PCDH15: variants seen among roughly 807,000 people sequenced by gnomAD.
The protein encoded by PCDH15 is protocadherin-15.
PCDH15 carries 129 observed loss-of-function variants against 178.5 expected under a neutral mutation model. The observed-to-expected ratio is 0.72, with a 90% CI of 0.63 to 0.84. The LOEUF is 0.84. Among genes scored for constraint, PCDH15 ranks in the 40% least tolerant of loss-of-function variants. PCDH15 has a pLI of 0.00. For synonymous variants in PCDH15, 800 were observed against 732.0 expected, an observed-to-expected ratio of 1.09 and a Z score of -1.50; for missense variants, 2,230 against 2,099.9, an observed-to-expected ratio of 1.06 and a Z score of -1.21.
intron 2 of PCDH15, among the ~76,000 whole-genome samples, chr10:55,384,327 C>T (rs932555894): frequency 4.6e-5 from 7 of 152,026 alleles, no homozygotes; most frequent in South Asian, 4.1e-4. Flanking sequence ...TTTGGTAAAT[C>T]AATGTTTATA....
At chr10:54,927,473 A>G (rs1231079203) in intron 2 of PCDH15, among the ~76,000 whole-genome samples, 2 of 152,106 alleles carry the variant, frequency 1.3e-5, no homozygotes, top group African/African-American at 4.8e-5. Flanking sequence ...TGCTGAGTTC[A>G]GGTCCTGAAT....
intron 2 of PCDH15, among the ~76,000 whole-genome samples, chr10:54,901,390 T>C (rs918900753): frequency 2.6e-5 from 4 of 152,232 alleles, no homozygotes; most frequent in Non-Finnish European, 4.4e-5. Context: ...CATCAACCAG[T>C]GTCAAGTCTC....
At chr10:55,504,257 G>C (rs1003246987) in intron 2 of PCDH15, among the ~76,000 whole-genome samples, 1 of 151,268 alleles carries the variant, frequency 6.6e-6, no homozygotes, top group Non-Finnish European at 1.5e-5. Context: ...TTGATAATAG[G>C]AAAAGCTATG....
In PCDH15 at chr10:54,706,779, A is replaced by G. The variant is rs544963055; in HGVS notation, c.-28-42489T>C. ...GCTGGGACTACCAGTGCATGCCACC[A>G]TGCCCGGCTATTTTTTGTATTTTTA... On this transcript the variant is annotated intron_variant, in intron 1 of 37. Coordinates refer to ENST00000644397, the MANE Select transcript of PCDH15 (RefSeq NM_001384140.1). Among the ~76,000 whole-genome samples the G allele has an allele frequency of 4.6e-5, 7 of 152,214 alleles. No individual in the cohort carries two copies. The East Asian group carries it at 1.4e-3, about 29-fold the overall frequency.
intron 2 of PCDH15, among the ~76,000 whole-genome samples, chr10:55,008,885 AAAAAACAAAAAC>A (rs772797559): frequency 2.7e-5 from 2 of 75,324 alleles, no homozygotes; most frequent in African/African-American, 3.8e-5. Flanking sequence ...GATCTTGTTT[AAAAAACAAAAAC>A]AAAAACAAAA....
chr10:54,060,933 G>T (rs1001150490), intron 18 of PCDH15, among the ~76,000 whole-genome samples: 3 of 152,004 alleles, frequency 2.0e-5, no homozygotes, highest in Non-Finnish European at 4.4e-5. Flanking sequence ...GCTTTTAAAG[G>T]TAAGTGGCTG....
intron 2 of PCDH15, among the ~76,000 whole-genome samples, chr10:54,939,300 C>T (rs1837995185): frequency 6.6e-6 from 1 of 150,832 alleles, no homozygotes. Context: ...TGAGACCATC[C>T]TGGCTACCAC....
intron 26 of PCDH15, among the ~76,000 whole-genome samples, chr10:53,882,491 A>G (rs1055536637): frequency 6.6e-6 from 1 of 152,070 alleles, no homozygotes; most frequent in African/African-American, 2.4e-5. Context: ...CCTCTCAAAT[A>G]GCTAGGATTA....
intron 2 of PCDH15, among the ~76,000 whole-genome samples, chr10:55,354,366 T>G (rs1845019580): frequency 1.3e-5 from 2 of 152,040 alleles, no homozygotes; most frequent in Non-Finnish European, 2.9e-5. Context: ...CCGAATTAAA[T>G]AGGGCACAAT....
chr10:55,179,495 A>G (rs2132132654), intron 1 of PCDH15, among the ~76,000 whole-genome samples: 1 of 151,880 alleles, frequency 6.6e-6, no homozygotes, highest in African/African-American at 2.4e-5. Flanking sequence ...TCTCGATGAT[A>G]CCTTTTAACC....
At position 54,899,816 on chromosome 10, in the gene PCDH15, G is replaced by A. The variant is rs117941408; in HGVS notation, c.-79-2316C>T. On this transcript the variant is annotated intron_variant, in intron 2 of 5. Coordinates refer to the PCDH15 transcript ENST00000458638. ...GACCAAAGATTATATCTTTCTATTTGTATTACTCTTATAACTTTCTAACAA... is the reference window on the plus strand; with the variant it reads ...GACCAAAGATTATATCTTTCTATTTATATTACTCTTATAACTTTCTAACAA... Among the ~76,000 whole-genome samples the A allele has an allele frequency of 3.7e-4, 56 of 151,292 alleles. No homozygotes were observed. The East Asian group carries it at 6.1e-3, about 16-fold the overall frequency.
intron 21 of PCDH15, among the ~76,000 whole-genome samples, chr10:53,980,252 TAGGATTTTGAACA>T (rs1490916085): frequency 6.6e-6 from 1 of 151,786 alleles, no homozygotes; most frequent in East Asian, 1.9e-4. Flanking sequence ...TTAATTTTAT[TAGGATTTTGAACA>T]AGGGGTAAAA....
At chr10:54,736,897 C>T (rs535416928) in intron 1 of PCDH15, among the ~76,000 whole-genome samples, 5 of 152,084 alleles carry the variant, frequency 3.3e-5, no homozygotes, top group East Asian at 1.9e-4. Flanking sequence ...TCAGGTATAA[C>T]GAATCACTTG....
At chr10:55,078,642 A>T (rs767427220) in intron 2 of PCDH15, among the ~76,000 whole-genome samples, 1 of 151,640 alleles carries the variant, frequency 6.6e-6, no homozygotes, top group Non-Finnish European at 1.5e-5. Context: ...CTTTTATTTC[A>T]ATAGTTTTAG....
intron 1 of PCDH15, among the ~76,000 whole-genome samples, chr10:54,703,566 G>C (rs2132265584): frequency 6.6e-6 from 1 of 152,024 alleles, no homozygotes. Flanking sequence ...AAAATCAGTA[G>C]CATTTCTATA....
intron 13 of PCDH15, among the ~76,000 whole-genome samples, chr10:54,161,377 G>A (rs1372679258): frequency 6.6e-6 from 1 of 152,114 alleles, no homozygotes; most frequent in Admixed American, 6.6e-5. Flanking sequence ...ACCAAAACAG[G>A]GGGTGTCTAC....
chr10:55,219,928 T>C (rs1269679448), intron 1 of PCDH15, among the ~76,000 whole-genome samples: 1 of 151,032 alleles, frequency 6.6e-6, no homozygotes, highest in African/African-American at 2.4e-5. Context: ...TTTCCTAACA[T>C]GTTAGGTCAT....
intron 3 of PCDH15, among the ~76,000 whole-genome samples, chr10:54,458,551 C>G (rs754180672): frequency 5.9e-5 from 9 of 152,052 alleles, no homozygotes; most frequent in Non-Finnish European, 1.3e-4. Context: ...AGTGTCATCT[C>G]TTTTATACAC....
chr10:54,169,049 A>C (rs1435003957), intron 13 of PCDH15, among the ~76,000 whole-genome samples: 1 of 152,226 alleles, frequency 6.6e-6, no homozygotes, highest in East Asian at 1.9e-4. Context: ...AAATCTGGCC[A>C]CTGGGCCAAG....
Sources: allele counts gnomAD v4.1 joint callset (sites outside exome capture counted in the v4.1 genomes callset), GRCh38; gene constraint gnomAD v4.1.1; transcripts MANE v1.5; gene names NCBI Gene and HGNC (gene_info 2026-07-23, HGNC 2026-07-21).